The following ROBO2 variants were observed in gnomAD, a reference collection of about 807,000 sequenced individuals.
ROBO2 encodes roundabout homolog 2.
In ROBO2, 53 loss-of-function variants were observed where a neutral mutation model predicts 160.8. The observed-to-expected ratio is 0.33, with a 90% CI of 0.26 to 0.41. The LOEUF is 0.41. Among genes scored for constraint, ROBO2 ranks in the 10% least tolerant of loss-of-function variants. ROBO2 has a pLI of 1.00. For missense variants in ROBO2, 1,577 were observed against 1,722.4 expected, an observed-to-expected ratio of 0.92 and a Z score of 1.49; for synonymous variants, 664 against 611.7, an observed-to-expected ratio of 1.09 and a Z score of -1.26.
intron 1 of ROBO2, among the ~76,000 whole-genome samples, chr3:77,093,500 T>C (rs1660200662): frequency 6.6e-6 from 1 of 152,104 alleles, no homozygotes; most frequent in African/African-American, 2.4e-5. Flanking sequence ...CCCAACATCT[T>C]TGGGAATATG....
intron 2 of ROBO2, among the ~76,000 whole-genome samples, chr3:77,242,717 G>C (rs1247078605): frequency 6.6e-6 from 1 of 151,914 alleles, no homozygotes; most frequent in East Asian, 1.9e-4. Flanking sequence ...AACATGTAGG[G>C]TAAAATCTAA....
At chr3:76,634,810 G>A (rs556647621) in intron 2 of ROBO2, among the ~76,000 whole-genome samples, 2 of 152,072 alleles carry the variant, frequency 1.3e-5, no homozygotes, top group African/African-American at 2.4e-5. Flanking sequence ...ACCTGGCCAC[G>A]CAGCAGGAGG....
chr3:76,894,814 G>T (rs574581384), intron 2 of ROBO2, among the ~76,000 whole-genome samples: 7 of 152,186 alleles, frequency 4.6e-5, no homozygotes, highest in African/African-American at 1.7e-4. Context: ...TCTGAATCAT[G>T]TGATGGTTTT....
intron 2 of ROBO2, among the ~76,000 whole-genome samples, chr3:77,454,433 T>C (rs2081414774): frequency 6.6e-6 from 1 of 152,170 alleles, no homozygotes; most frequent in Non-Finnish European, 1.5e-5. Context: ...CAAAACTCTC[T>C]TGATTGCACC....
chr3:77,476,102 C>T (rs561742489), intron 2 of ROBO2, among the ~76,000 whole-genome samples: 2 of 152,176 alleles, frequency 1.3e-5, no homozygotes, highest in East Asian at 3.9e-4. Flanking sequence ...TTGCAAAATA[C>T]GAGAAAAGAA....
chr3:76,855,917 A>G (rs1320291486), intron 2 of ROBO2, among the ~76,000 whole-genome samples: 1 of 152,220 alleles, frequency 6.6e-6, no homozygotes, highest in Non-Finnish European at 1.5e-5. Context: ...TGAAAGCAGT[A>G]TATCTTTGTT....
chr3:77,557,101 C>T (rs2093149572), intron 8 of ROBO2, among the ~76,000 whole-genome samples: 1 of 151,806 alleles, frequency 6.6e-6, no homozygotes, highest in Non-Finnish European at 1.5e-5. Flanking sequence ...CACTGAAATG[C>T]TACTACGATA....
At position 76,049,402 on chromosome 3, in the gene ROBO2, TA is replaced by T. The variant is rs1173605835; in HGVS notation, c.109+111801del. On this transcript the variant is annotated intron_variant, in intron 2 of 26. Transcript: ENST00000487694. Reference sequence around the variant, plus strand: ...ATTTTAGTATATATATATATATATATATTTTTTTTTTTTTTTTTTTTTGTAG... The same window carrying T: ...ATTTTAGTATATATATATATATATATTTTTTTTTTTTTTTTTTTTTTGTAG... Among the ~76,000 whole-genome samples, 309 of 99,290 alleles carry T rather than the reference TA, an allele frequency of 3.1e-3. 9 individuals carry two copies. The highest frequency in any genetic ancestry group is 0.029 in the East Asian group (105 of 3,670). The allele number at this position is 99,290 out of a possible 152,430, so 65.1% of individuals were successfully genotyped here. A position where few individuals can be genotyped will look rare whatever the true frequency, so the allele number is the denominator to read the frequency against.
chr3:77,333,625 T>G (rs2066196233), intron 2 of ROBO2, among the ~76,000 whole-genome samples: 1 of 152,214 alleles, frequency 6.6e-6, no homozygotes, highest in Non-Finnish European at 1.5e-5. Flanking sequence ...CTCATATGTC[T>G]GCAGCCTACC....
chr3:76,217,685 A>G (rs950586057), intron 2 of ROBO2, among the ~76,000 whole-genome samples: 104 of 152,174 alleles, frequency 6.8e-4, no homozygotes, highest in Non-Finnish European at 1.3e-3. Context: ...CTTACCAACC[A>G]AAAAAATCCA....
At chr3:76,331,316 C>T (rs891232662) in intron 2 of ROBO2, among the ~76,000 whole-genome samples, 1 of 152,126 alleles carries the variant, frequency 6.6e-6, no homozygotes, top group African/African-American at 2.4e-5. Context: ...ATAAATATCA[C>T]ATGAGGCACA....
At chr3:77,530,284 T>C (rs1357731877) in intron 6 of ROBO2, among the ~76,000 whole-genome samples, 41 of 152,012 alleles carry the variant, frequency 2.7e-4, no homozygotes, top group Admixed American at 2.6e-3. Context: ...AAATTAGCAA[T>C]CATTGCAGAT....
rs183362985 is a variant in ROBO2 at position 76,060,609 on chromosome 3, A to T, written c.109+123007A>T. Among the ~76,000 whole-genome samples the T allele has an allele frequency of 2.0e-5, 3 of 152,318 alleles. No homozygotes were observed. In the East Asian group the frequency reaches 5.8e-4, roughly 29 times the overall value. On this transcript the variant is annotated intron_variant, in intron 2 of 26. Coordinates refer to the ROBO2 transcript ENST00000487694. ...ACTGTCACTGAGGATTTCCATCCCT[A>T]ACAATGGGAAGTATAAATATAATCT... is the stretch of plus-strand genomic sequence containing the variant.
chr3:76,902,036 A>G (rs960245628), intron 2 of ROBO2, among the ~76,000 whole-genome samples: 12 of 152,064 alleles, frequency 7.9e-5, no homozygotes, highest in African/African-American at 2.9e-4. Context: ...TATAAAAATG[A>G]ATAAATATTA....
chr3:76,548,195 A>G (rs1011708692), intron 2 of ROBO2, among the ~76,000 whole-genome samples: 1 of 152,180 alleles, frequency 6.6e-6, no homozygotes, highest in African/African-American at 2.4e-5. Context: ...CACAGTGGTT[A>G]AAAGGAGAGT....
chr3:76,034,913 C>G (rs986980679), intron 2 of ROBO2, among the ~76,000 whole-genome samples: 6 of 152,238 alleles, frequency 3.9e-5, no homozygotes, highest in African/African-American at 9.6e-5. Context: ...GTTCAGCGCT[C>G]TCTGTTGTAT....
intron 2 of ROBO2, among the ~76,000 whole-genome samples, chr3:77,461,516 A>T (rs887840831): frequency 6.6e-5 from 10 of 152,090 alleles, no homozygotes; most frequent in Non-Finnish European, 1.5e-4. Context: ...TATGCTATAC[A>T]TAGATATATT....
At chr3:76,151,443 A>T (rs1031358794) in intron 2 of ROBO2, among the ~76,000 whole-genome samples, 1 of 152,152 alleles carries the variant, frequency 6.6e-6, no homozygotes, top group Non-Finnish European at 1.5e-5. Flanking sequence ...CAAAGCTCTA[A>T]TTTTAAGAAT....
chr3:77,542,283 C>A (rs1169006850), intron 6 of ROBO2, among the ~76,000 whole-genome samples: 1 of 128,770 alleles, frequency 7.8e-6, no homozygotes, highest in African/African-American at 2.8e-5. Context: ...CAATTTGTTT[C>A]TTTGGTCCAC....
Sources: gnomAD v4.1 joint callset for allele counts (sites outside exome capture counted in the v4.1 genomes callset) on GRCh38, gnomAD v4.1.1 for gene constraint, MANE v1.5 for transcripts, NCBI Gene and HGNC (gene_info 2026-07-23, HGNC 2026-07-21) for gene names.